The following KAZN variants were observed in gnomAD, a reference collection of about 807,000 sequenced individuals.
KAZN encodes kazrin, periplakin interacting protein, also known as kazrin.
A neutral mutation model predicts 87.4 loss-of-function variants in KAZN; 40 were observed. The observed-to-expected ratio is 0.46, with a 90% confidence interval of 0.36 to 0.60. KAZN has a LOEUF of 0.60. Among genes scored for constraint, KAZN ranks in the 20% least tolerant of loss-of-function variants. The pLI, the probability that KAZN is intolerant of heterozygous loss-of-function variation, is 0.00. For synonymous variants in KAZN, 466 were observed against 458.3 expected, an observed-to-expected ratio of 1.02 and a Z score of -0.22; for missense variants, 898 against 1,073.9, an observed-to-expected ratio of 0.84 and a Z score of 2.29.
chr1:14,287,581 C>T (rs1447660131), intron 2 of KAZN, among the ~76,000 whole-genome samples: 1 of 152,166 alleles, frequency 6.6e-6, no homozygotes, highest in East Asian at 1.9e-4. Context: ...AGATTTTGGG[C>T]TGAGACAATG....
chr1:13,903,538 C>A (rs1043032165), intron 1 of KAZN, among the ~76,000 whole-genome samples: 1 of 152,208 alleles, frequency 6.6e-6, no homozygotes, highest in Non-Finnish European at 1.5e-5. Flanking sequence ...AAGACAATGT[C>A]ATGATGGCGG....
intron 1 of KAZN, chr1:14,124,214 T>A (rs1007574910): frequency 3.3e-5 from 5 of 152,214 alleles, no homozygotes; most frequent in African/African-American, 1.2e-4. Context: ...TAAGGTGAAA[T>A]GACTTTCCGA....
At chr1:14,371,723 G>C (rs984765298) in intron 2 of KAZN, among the ~76,000 whole-genome samples, 1 of 152,130 alleles carries the variant, frequency 6.6e-6, no homozygotes, top group Non-Finnish European at 1.5e-5. Flanking sequence ...GAAATGTCTA[G>C]GATGCCAAAA....
intron 10 of KAZN, among the ~76,000 whole-genome samples, chr1:15,097,556 C>T (rs962251137): frequency 1.3e-5 from 2 of 152,218 alleles, no homozygotes; most frequent in African/African-American, 2.4e-5. Context: ...CGATGGCTCA[C>T]ACCTGTAATC....
intron 3 of KAZN, among the ~76,000 whole-genome samples, chr1:15,037,957 G>T (rs1254725111): frequency 6.6e-6 from 1 of 152,128 alleles, no homozygotes; most frequent in African/African-American, 2.4e-5. Flanking sequence ...GACAGATCAG[G>T]ATTTAGAAAA....
chr1:14,129,271 C>A (rs906787178), intron 1 of KAZN, among the ~76,000 whole-genome samples: 1 of 152,206 alleles, frequency 6.6e-6, no homozygotes, highest in Non-Finnish European at 1.5e-5. Flanking sequence ...GCCGGACACA[C>A]TTTTGGTCTT....
rs568811417 is a variant in KAZN at position 14,235,399 on chromosome 1, G to C, written c.249+54807G>C. 1.8e-4 allele frequency among the ~76,000 whole-genome samples: 28 copies of C among 152,308 alleles called. 1 individual carries two copies. The highest frequency in any genetic ancestry group is 1.6e-3 in the Admixed American group (25 of 15,300). On this transcript the variant is annotated intron_variant, in intron 2 of 16. Coordinates refer to the KAZN transcript ENST00000636203. ...ATTATATGATTTCATTTATGCGAAT[G>C]GTCTAGGATAGATAAATTCATAGTC...
At chr1:14,626,484 G>T (rs1000405478) in intron 1 of KAZN, among the ~76,000 whole-genome samples, 2 of 152,126 alleles carry the variant, frequency 1.3e-5, no homozygotes, top group Non-Finnish European at 2.9e-5. Context: ...GTCCAGATGG[G>T]TCCAGGTCAA....
intron 1 of KAZN, among the ~76,000 whole-genome samples, chr1:13,907,119 T>A (rs1639467981): frequency 6.6e-6 from 1 of 152,214 alleles, no homozygotes; most frequent in Non-Finnish European, 1.5e-5. Flanking sequence ...TGTCTTCAGT[T>A]AATGTGAATG....
chr1:14,625,215 G>A (rs1239665985), intron 1 of KAZN, among the ~76,000 whole-genome samples: 1 of 152,070 alleles, frequency 6.6e-6, no homozygotes, highest in African/African-American at 2.4e-5. Context: ...CTGCATGTGT[G>A]GAGTTTCTTT....
intron 2 of KAZN, among the ~76,000 whole-genome samples, chr1:14,365,322 C>T (rs1659884950): frequency 1.3e-5 from 2 of 149,528 alleles, no homozygotes; most frequent in Non-Finnish European, 3.0e-5. Flanking sequence ...GCTGGGATTA[C>T]AGGTGTGAGC....
At chr1:14,037,140 T>G (rs952360917) in intron 1 of KAZN, among the ~76,000 whole-genome samples, 22 of 152,164 alleles carry the variant, frequency 1.4e-4, no homozygotes, top group African/African-American at 4.8e-4. Flanking sequence ...TGGGATTATT[T>G]TATAGCCCAC....
At chr1:14,393,212 T>G (rs1662605629) in intron 2 of KAZN, among the ~76,000 whole-genome samples, 1 of 152,180 alleles carries the variant, frequency 6.6e-6, no homozygotes, top group Non-Finnish European at 1.5e-5. Context: ...AACAGGCACT[T>G]TCTCAAAGTA....
chr1:14,747,340 G>A (rs902109465), intron 1 of KAZN, among the ~76,000 whole-genome samples: 47 of 152,118 alleles, frequency 3.1e-4, no homozygotes, highest in African/African-American at 1.1e-3. Flanking sequence ...GCAGTGACAC[G>A]CTTTCAGCTC....
rs1490352492 is a variant in KAZN at position 14,139,718 on chromosome 1, G to A, written c.92-40717G>A. ...CCAGCAGGGCATGGGCTGCAGGGCC[G>A]TAGAGGAGAGAATACTGTTCCAGAA... On this transcript the variant is annotated intron_variant, in intron 1 of 16. Transcript: ENST00000636203. 7.2e-5 allele frequency among the ~76,000 whole-genome samples: 11 copies of A among 152,332 alleles called. No individual in the cohort carries two copies. The East Asian group carries it at 7.7e-4, about 11-fold the overall frequency.
chr1:14,911,311 A>T (rs551649106), intron 1 of KAZN, among the ~76,000 whole-genome samples: 2 of 152,332 alleles, frequency 1.3e-5, no homozygotes, highest in East Asian at 3.9e-4. Context: ...TGTTTGTAGG[A>T]TGATGAAAGA....
intron 2 of KAZN, among the ~76,000 whole-genome samples, chr1:14,208,854 C>T (rs1646796243): frequency 6.6e-6 from 1 of 152,168 alleles, no homozygotes; most frequent in Admixed American, 6.5e-5. Flanking sequence ...CCAAGAGTTG[C>T]TTCTTCAATC....
At chr1:15,024,143 T>A (rs1670954734) in intron 2 of KAZN, among the ~76,000 whole-genome samples, 1 of 152,072 alleles carries the variant, frequency 6.6e-6, no homozygotes. Flanking sequence ...GTGGTTGGAC[T>A]GAAGCCACCA....
chr1:14,985,355 C>A (rs929127970), intron 2 of KAZN, among the ~76,000 whole-genome samples: 1 of 147,338 alleles, frequency 6.8e-6, no homozygotes, highest in Non-Finnish European at 1.5e-5. Context: ...CATAGGGAGA[C>A]CTTGTCTCTA....
Sources: allele counts gnomAD v4.1 joint callset (sites outside exome capture counted in the v4.1 genomes callset), GRCh38; gene constraint gnomAD v4.1.1; transcripts MANE v1.5; gene names NCBI Gene and HGNC (gene_info 2026-07-23, HGNC 2026-07-21).